Variants in SLC25A17 observed in about 807,000 individuals in gnomAD.
The protein encoded by SLC25A17 is peroxisomal membrane protein PMP34.
SLC25A17 carries 26 observed loss-of-function variants against 38.5 expected under a neutral mutation model. The ratio of observed to expected loss-of-function variants is 0.68; its 90% CI spans 0.50 to 0.94. The LOEUF is 0.94. Ranked by LOEUF, SLC25A17 falls within the 40% of genes least tolerant of loss-of-function variation. The probability of loss-of-function intolerance (pLI) is 0.00; values close to 1 mark genes in which losing one functional copy is unlikely to be tolerated. For synonymous variants in SLC25A17, 139 were observed against 136.2 expected (o/e 1.02, Z -0.14); for missense variants, 333 against 372.7 (o/e 0.89, Z 0.88).
intron 4 of SLC25A17, among the ~76,000 whole-genome samples, chr22:40,780,793 A>C (rs1435052973): frequency 6.6e-6 from 1 of 152,138 alleles, no homozygotes; most frequent in Non-Finnish European, 1.5e-5. Flanking sequence ...AGAAATAAAA[A>C]TTTTCTTCAT....
At chr22:40,808,257 C>T (rs111444643) in intron 1 of SLC25A17, among the ~76,000 whole-genome samples, 2 of 152,204 alleles carry the variant, frequency 1.3e-5, no homozygotes, top group African/African-American at 4.8e-5. Flanking sequence ...CTTCCCACCC[C>T]CACAGCATTT....
chr22:40,784,784 CAAAAAAA>C (rs71200616), intron 4 of SLC25A17, among the ~76,000 whole-genome samples: 5 of 96,374 alleles, frequency 5.2e-5, no homozygotes, highest in South Asian at 3.3e-4. Flanking sequence ...TCAACAACAA[CAAAAAAA>C]AAAAAAAAAA....
At chr22:40,813,397 G>A (rs1239706368) in intron 1 of SLC25A17, among the ~76,000 whole-genome samples, 1 of 152,124 alleles carries the variant, frequency 6.6e-6, no homozygotes, top group Admixed American at 6.6e-5. Flanking sequence ...AATGAGCCAG[G>A]AGTGGTGGCA....
Position 40,774,395 on chromosome 22 carries a change from T to C in SLC25A17, c.694-376A>G, listed in dbSNP as rs578122514. On this transcript the variant is annotated intron_variant, in intron 7 of 8. Transcript: ENST00000435456. ...TGTACCACCACGCCCGGCTAATTTT[T>C]GTATTTTTAGCAGAGATGTGGTTTC... Among the ~76,000 whole-genome samples, 3 of 152,286 alleles carry C rather than the reference T, an allele frequency of 2.0e-5. No individual in the cohort carries two copies. The East Asian group carries it at 5.8e-4, about 29-fold the overall frequency.
chr22:40,779,417 C>T (rs1300487024), intron 4 of SLC25A17: 2 of 648,778 alleles, frequency 3.1e-6, no homozygotes, highest in Non-Finnish European at 5.0e-6. Flanking sequence ...ATATACCATT[C>T]AAAGTAGCAA....
chr22:40,817,703 CCT>C (rs1393950971), intron 1 of SLC25A17, among the ~76,000 whole-genome samples: 1 of 152,142 alleles, frequency 6.6e-6, no homozygotes, highest in African/African-American at 2.4e-5. Flanking sequence ...TTGCTTGTCC[CCT>C]GTTCCCTTAC....
intron 1 of SLC25A17, among the ~76,000 whole-genome samples, chr22:40,813,546 AT>A (rs1016044810): frequency 6.6e-6 from 1 of 151,868 alleles, no homozygotes; most frequent in East Asian, 1.9e-4. Context: ...TAAAAAAAAA[AT>A]ACCCTCTCTA....
intron 8 of SLC25A17, 28 bp downstream of exon 8, chr22:40,773,909 C>G: frequency 6.8e-7 from 1 of 1,462,986 alleles, no homozygotes; most frequent in Non-Finnish European, 9.6e-7. Context: ...AAGGAGAGCA[C>G]GGAATGTGAG....
At position 40,789,579 on chromosome 22, in the gene SLC25A17, TCA is replaced by T. The variant is rs1485796829; in HGVS notation, c.334+2944_334+2945del. ...TGGAGTGCAGTGGCATGATCTTGGC[TCA>T]CTGCAACCTCTGCCTGCCAGGTTCA... On this transcript the variant is annotated intron_variant, in intron 4 of 8. Coordinates refer to ENST00000435456, the MANE Select transcript of SLC25A17 (RefSeq NM_006358.4). The surrounding 1 kb of genome is among the most constrained non-coding windows in gnomAD (Gnocchi z 4.5). Among the ~76,000 whole-genome samples the T allele has an allele frequency of 1.5e-4, 23 of 152,014 alleles. No individual in the cohort carries two copies. In the East Asian group the frequency reaches 2.5e-3, roughly 17 times the overall value.
intron 1 of SLC25A17, among the ~76,000 whole-genome samples, chr22:40,818,478 T>C (rs2057663357): frequency 6.6e-6 from 1 of 151,886 alleles, no homozygotes; most frequent in Non-Finnish European, 1.5e-5. Flanking sequence ...GGACGCCAAA[T>C]CGAGAGGATC....
intron 3 of SLC25A17, among the ~76,000 whole-genome samples, chr22:40,793,496 A>G (rs1249661523): frequency 6.6e-6 from 1 of 152,242 alleles, no homozygotes; most frequent in Non-Finnish European, 1.5e-5. Flanking sequence ...ATGTGAGTCA[A>G]GATGTGATAT....
rs962467103 is a variant in SLC25A17, at chr22:40,777,351, G to A, written c.474C>T (p.Arg158=). ...GIIDAFHQII[R]DEGISALWNG... Reference sequence around the variant, plus strand: ...TCCATAAAGCCGAGATTCCTTCATCGCGAATGATCTGATGAAAAGCATCTA... The same window carrying A: ...TCCATAAAGCCGAGATTCCTTCATCACGAATGATCTGATGAAAAGCATCTA... The change falls in exon 6 of 9, where the codon CGC becomes CGT. Residue 158 remains arginine, a synonymous_variant. Coordinates refer to ENST00000435456, the MANE Select transcript of SLC25A17 (RefSeq NM_006358.4). 8 of 1,613,604 alleles carry A rather than the reference G, an allele frequency of 5.0e-6. No individual in the cohort carries two copies. In the Admixed American group the frequency reaches 6.7e-5, roughly 13 times the overall value.
rs1411306043 is a variant in SLC25A17 at position 40,801,125 on chromosome 22, T to TTTTA, written c.55-2043_55-2042insTAAA. The stretch of plus-strand genomic sequence containing the variant: ...AAAAAAGAAAAAAGAAAAAAATATA[T>TTTTA]TACATATATATATATATATATATAT... On this transcript the variant is annotated intron_variant, in intron 1 of 8. Coordinates refer to ENST00000435456, the MANE Select transcript of SLC25A17 (RefSeq NM_006358.4). Among the ~76,000 whole-genome samples, 47 of 49,538 alleles carry TTTTA rather than the reference T, an allele frequency of 9.5e-4. 1 individual carries two copies. Among genetic ancestry groups the TTTTA allele is most frequent in the African/African-American group, 3.5e-3 (42 of 12,000 alleles). 32.5% of individuals were successfully genotyped at this position (49,538 alleles called of 152,430 possible).
intron 6 of SLC25A17, 22 bp downstream of exon 6, chr22:40,777,206 T>C: frequency 1.2e-6 from 2 of 1,613,430 alleles, no homozygotes; most frequent in Non-Finnish European, 1.7e-6. Context: ...ATTATTTTAC[T>C]GCTTTCAAAA....
intron 4 of SLC25A17, among the ~76,000 whole-genome samples, chr22:40,783,478 T>A (rs1182604631): frequency 2.0e-5 from 3 of 152,220 alleles, no homozygotes; most frequent in African/African-American, 7.2e-5. Context: ...TTCCATTAGC[T>A]GTTACAATTA....
intron 1 of SLC25A17, chr22:40,799,655 C>A (rs1414560457): frequency 6.6e-6 from 1 of 152,164 alleles, no homozygotes; most frequent in African/African-American, 2.4e-5. Flanking sequence ...GCCACTGTGC[C>A]TGGCCGGGAG....
intron 1 of SLC25A17, among the ~76,000 whole-genome samples, chr22:40,809,434 G>C (rs1212195882): frequency 6.6e-6 from 1 of 150,940 alleles, no homozygotes; most frequent in Non-Finnish European, 1.5e-5. Flanking sequence ...GAGCAACATG[G>C]TGAAACATGT....
intron 2 of SLC25A17, among the ~76,000 whole-genome samples, chr22:40,798,660 T>TTAA (rs1556180104): frequency 8.1e-4 from 60 of 74,378 alleles, no homozygotes; most frequent in South Asian, 1.2e-3. Context: ...CACACATACA[T>TTAA]AAAAAAAAAA....
rs900607882 is a variant in SLC25A17 at position 40,809,390 on chromosome 22, G to A, written c.54+9805C>T. On this transcript the variant is annotated intron_variant, in intron 1 of 8. Transcript: ENST00000435456. ...CCCACTTTGGGAGGCCGAGGTGGGC[G>A]GATTGCTTGAGCCCAGGAGTTCGAG... Among the ~76,000 whole-genome samples the A allele has an allele frequency of 5.3e-5, 8 of 151,684 alleles. No homozygotes were observed. In the East Asian group the frequency reaches 7.7e-4, roughly 15 times the overall value.
Sources: allele counts gnomAD v4.1 joint callset (sites outside exome capture counted in the v4.1 genomes callset), GRCh38; gene constraint gnomAD v4.1.1; non-coding constraint Gnocchi (gnomAD v3.1); transcripts MANE v1.5; gene names NCBI Gene and HGNC (gene_info 2026-07-23, HGNC 2026-07-21).